Variants in GAS7 observed in about 807,000 individuals in gnomAD.
The protein encoded by GAS7 is growth arrest-specific protein 7.
In GAS7, 28 loss-of-function variants were observed where a neutral mutation model predicts 71.1. The ratio of observed to expected loss-of-function variants is 0.39; its 90% CI spans 0.29 to 0.54. The LOEUF (loss-of-function observed/expected upper bound fraction) is 0.54, where lower values mean the gene tolerates loss of function less well. Ranked by LOEUF, GAS7 falls within the 20% of genes least tolerant of loss-of-function variation. The pLI, the probability that GAS7 is intolerant of heterozygous loss-of-function variation, is 0.62. For synonymous variants in GAS7, 258 were observed against 245.8 expected (o/e 1.05, Z -0.46); for missense variants, 436 against 627.8 (o/e 0.69, Z 3.27).
At chr17:10,002,415 A>AT (rs58197214) in intron 2 of GAS7, among the ~76,000 whole-genome samples, 1 of 151,454 alleles carries the variant, frequency 6.6e-6, no homozygotes, top group African/African-American at 2.4e-5. Context: ...ACATCTTTTT[A>AT]TTTTTTTAAT....
intron 4 of GAS7, among the ~76,000 whole-genome samples, chr17:9,966,975 G>A (rs551611362): frequency 6.6e-6 from 1 of 152,238 alleles, no homozygotes; most frequent in South Asian, 2.1e-4. Context: ...CCTGGGACTG[G>A]TGAACAACGC....
At chr17:10,169,889 C>G (rs1338177136) in intron 1 of GAS7, among the ~76,000 whole-genome samples, 2 of 152,162 alleles carry the variant, frequency 1.3e-5, no homozygotes, top group Middle Eastern at 3.2e-3. Flanking sequence ...CTCTTGATTT[C>G]CTCCCCAAAC....
intron 1 of GAS7, among the ~76,000 whole-genome samples, chr17:10,104,366 T>A (rs1049979299): frequency 5.9e-5 from 9 of 152,186 alleles, no homozygotes; most frequent in Non-Finnish European, 5.9e-5. Flanking sequence ...TGGATCATCC[T>A]CTGTGTGTTC....
At chr17:10,027,908 G>A (rs752126499) in intron 1 of GAS7, among the ~76,000 whole-genome samples, 11 of 152,102 alleles carry the variant, frequency 7.2e-5, no homozygotes, top group East Asian at 1.9e-4. Context: ...GTTTTTTGAC[G>A]GAGTCTCACT....
chr17:10,074,026 C>A (rs1284208588), intron 1 of GAS7, among the ~76,000 whole-genome samples: 1 of 152,174 alleles, frequency 6.6e-6, no homozygotes, highest in Non-Finnish European at 1.5e-5. Context: ...AGATGAATGA[C>A]CCCAGCCCTG....
At chr17:10,188,564 T>A (rs1567626047) in intron 1 of GAS7, among the ~76,000 whole-genome samples, 1 of 152,214 alleles carries the variant, frequency 6.6e-6, no homozygotes, top group Non-Finnish European at 1.5e-5. Flanking sequence ...AGCTGTTTTT[T>A]AATTAAATTT....
At chr17:10,153,038 CAAA>C (rs397857973) in intron 1 of GAS7, among the ~76,000 whole-genome samples, 44 of 75,970 alleles carry the variant, frequency 5.8e-4, no homozygotes, top group African/African-American at 1.5e-3. Flanking sequence ...ACTAAAAATA[CAAA>C]AAAAAAAAAA....
intron 3 of GAS7, among the ~76,000 whole-genome samples, chr17:9,978,897 C>T (rs868333850): frequency 6.6e-6 from 1 of 152,104 alleles, no homozygotes; most frequent in Non-Finnish European, 1.5e-5. Context: ...CCCACCTCGG[C>T]ACTAGTAAAC....
Position 9,969,734 on chromosome 17 carries a change from T to C in GAS7, c.414A>G (p.Pro138=). The C allele has an allele frequency of 6.2e-7, 1 of 1,612,294 alleles. No homozygotes were observed. The highest frequency in any genetic ancestry group is 8.5e-7 in the Non-Finnish European group (1 of 1,178,308). The change falls in exon 4 of 14, where the codon CCA becomes CCG. Residue 138 remains proline (P), a synonymous_variant. Coordinates refer to ENST00000432992, the MANE Select transcript of GAS7 (RefSeq NM_201433.2). The surrounding 1 kb of genome is among the most constrained non-coding windows in gnomAD (Gnocchi z 5.5). ...TGTGGGCAGTCTCTGGAGGGTGCGC[T>C]GGGGTCCCTGATGCGTGGTATCCAT... ...TVNGYHASGT[P]AHPPETAHMS...
chr17:10,083,112 G>A (rs139093584), intron 1 of GAS7, among the ~76,000 whole-genome samples: 11 of 152,228 alleles, frequency 7.2e-5, no homozygotes, highest in East Asian at 1.9e-4. Context: ...TGGCCTGTAC[G>A]CATGTAATAA....
rs573142248 is a variant in GAS7 at position 10,073,834 on chromosome 17, A to C, written c.184-53937T>G. On this transcript the variant is annotated intron_variant, in intron 1 of 13. Coordinates refer to ENST00000432992, the MANE Select transcript of GAS7 (RefSeq NM_201433.2). ...AATTCAAGGCTGCAGCTACTTCCTC[A>C]GTTCTCTAACTCACTTATCAACCAA... is the stretch of plus-strand genomic sequence containing the variant. 7.2e-5 allele frequency among the ~76,000 whole-genome samples: 11 copies of C among 152,284 alleles called. No individual in the cohort carries two copies. The South Asian group carries it at 2.3e-3, about 32-fold the overall frequency.
At chr17:9,956,408 T>C (rs941358006) in intron 5 of GAS7, among the ~76,000 whole-genome samples, 1 of 152,126 alleles carries the variant, frequency 6.6e-6, no homozygotes. Flanking sequence ...GCCCTGAAGC[T>C]GAGGACCACA....
At position 10,165,208 on chromosome 17, in the gene GAS7, C is replaced by T. The variant is rs898087490; in HGVS notation, c.183+33000G>A. On this transcript the variant is annotated intron_variant, in intron 1 of 13. Transcript: ENST00000432992. ...TCGGGACCCTGAGGCAGGAGAATGA[C>T]GTGAACCCGGGAGGCAGAGCTTGCA... Among the ~76,000 whole-genome samples, 47 of 147,216 alleles carry T rather than the reference C, an allele frequency of 3.2e-4. 1 individual carries two copies. The highest frequency in any genetic ancestry group is 9.3e-4 in the African/African-American group (37 of 39,682).
intron 1 of GAS7, among the ~76,000 whole-genome samples, chr17:10,126,586 A>C (rs912162182): frequency 6.8e-6 from 1 of 148,072 alleles, no homozygotes; most frequent in African/African-American, 2.5e-5. Flanking sequence ...AAACACACAC[A>C]TTCACACACA....
intron 1 of GAS7, among the ~76,000 whole-genome samples, chr17:10,092,647 C>T (rs1196003977): frequency 6.6e-6 from 1 of 152,176 alleles, no homozygotes; most frequent in Non-Finnish European, 1.5e-5. Flanking sequence ...GGCTTCAACC[C>T]ACATGTTTTC....
At chr17:10,072,790 G>A (rs1006642484) in intron 1 of GAS7, among the ~76,000 whole-genome samples, 5 of 152,036 alleles carry the variant, frequency 3.3e-5, no homozygotes, top group South Asian at 2.1e-4. Flanking sequence ...AAGTGCTGGC[G>A]CCCATAGTCT....
rs1413019780 is a variant in GAS7, at chr17:10,036,545, G to T, written c.184-16648C>A. 8 of 1,584,312 alleles carry T rather than the reference G, an allele frequency of 5.0e-6. No homozygotes were observed. The Admixed American group carries it at 1.4e-4, about 28-fold the overall frequency. ...AGACTCCGCCGGCTTCCTCTTCATG[G>T]CAGCCTCTCCGGGAAATGGGGCTGA... is the stretch of plus-strand genomic sequence containing the variant. On this transcript the variant is annotated intron_variant, in intron 1 of 13. Transcript: ENST00000432992.
intron 3 of GAS7, among the ~76,000 whole-genome samples, chr17:9,975,039 A>G (rs1433579531): frequency 6.6e-6 from 1 of 152,240 alleles, no homozygotes; most frequent in Non-Finnish European, 1.5e-5. Context: ...GAATAAACAT[A>G]GTAATTTCAC....
chr17:10,195,138 C>CTCTCTGGAAGCCAAGTATGTGCTATA (rs1417032365), intron 1 of GAS7, among the ~76,000 whole-genome samples: 1 of 152,124 alleles, frequency 6.6e-6, no homozygotes, highest in East Asian at 1.9e-4. Context: ...CTGGAAGCTG[C>CTCTCTGGAAGCCAAGTATGTGCTATA]TCTCTGGAAG....
Sources: allele counts gnomAD v4.1 joint callset (sites outside exome capture counted in the v4.1 genomes callset), GRCh38; gene constraint gnomAD v4.1.1; non-coding constraint Gnocchi (gnomAD v3.1); transcripts MANE v1.5; gene names NCBI Gene and HGNC (gene_info 2026-07-23, HGNC 2026-07-21).